Variants in XRCC6 observed in about 807,000 individuals in gnomAD.
XRCC6 encodes the protein DNA repair protein Ku70.
Under a neutral mutation model 65.7 loss-of-function variants are expected in XRCC6, and 5 were observed. That is an observed-to-expected ratio of 0.08 (90% CI 0.04 to 0.16). XRCC6 has a LOEUF of 0.16. Among genes scored for constraint, XRCC6 ranks in the 10% least tolerant of loss-of-function variants. The pLI, the probability that XRCC6 is intolerant of heterozygous loss-of-function variation, is 1.00. For missense variants in XRCC6, 447 were observed against 738.1 expected (o/e 0.61, Z 4.57); for synonymous variants, 270 against 270.6 (o/e 1.00, Z 0.02).
rs1486548994 is a variant in XRCC6 at position 41,624,653 on chromosome 22, A to G, written c.82+2567A>G. On this transcript the variant is annotated intron_variant, in intron 2 of 12. Transcript: ENST00000360079. ...CAGTGAGCTGAGATTGCATCACTGCACTCCAGCCTGGGCGACAGAGTGAGA... is the reference window on the plus strand; with the variant it reads ...CAGTGAGCTGAGATTGCATCACTGCGCTCCAGCCTGGGCGACAGAGTGAGA... Among the ~76,000 whole-genome samples, 3 of 137,108 alleles carry G rather than the reference A, an allele frequency of 2.2e-5. No homozygotes were observed. In the South Asian group the frequency reaches 7.2e-4, roughly 33 times the overall value. The allele number at this position is 137,108 out of a possible 152,430, so 89.9% of individuals were successfully genotyped here.
chr22:41,628,075 C>T (rs781046960), intron 2 of XRCC6, 43 bp from the exon 3 acceptor site: 46 of 1,393,368 alleles, frequency 3.3e-5, no homozygotes, highest in Middle Eastern at 4.6e-4. Context: ...TAAACAAATA[C>T]GAAAACAAGG....
chr22:41,663,158 T>A (rs913950630), intron 12 of XRCC6, among the ~76,000 whole-genome samples: 1 of 152,160 alleles, frequency 6.6e-6, no homozygotes, highest in Non-Finnish European at 1.5e-5. Flanking sequence ...GTCCAGTGGC[T>A]CAATCACAGT....
intron 5 of XRCC6, among the ~76,000 whole-genome samples, 194 bp from the exon 6 acceptor site, chr22:41,637,414 T>C (rs2067821278): frequency 6.6e-6 from 1 of 152,144 alleles, no homozygotes; most frequent in Admixed American, 6.6e-5. Context: ...TTACCACGAA[T>C]GGTGATTATT....
At chr22:41,622,129 A>C (rs1436870744) in intron 2 of XRCC6, 43 bp downstream of exon 2, 1 of 1,600,588 alleles carries the variant, frequency 6.2e-7, no homozygotes, top group Non-Finnish European at 8.6e-7. Flanking sequence ...GTGTGGAAGA[A>C]AGACCTTCCC....
intron 8 of XRCC6, among the ~76,000 whole-genome samples, chr22:41,651,387 TTTTTTTTTTTTTTTTTTTTTG>T (rs2067994307): frequency 2.0e-5 from 2 of 99,648 alleles, no homozygotes; most frequent in African/African-American, 1.3e-4. Flanking sequence ...TTTTTTTTTT[TTTTTTTTTTTTTTTTTTTTTG>T]GAGATGGAGT....
chr22:41,644,253 G>A (rs895634254), intron 6 of XRCC6, among the ~76,000 whole-genome samples: 5 of 151,886 alleles, frequency 3.3e-5, no homozygotes, highest in South Asian at 2.1e-4. Context: ...TCTTTCTGTT[G>A]TGGACCTCTA....
intron 12 of XRCC6, among the ~76,000 whole-genome samples, chr22:41,663,328 T>TA (rs1266490131): frequency 6.6e-6 from 1 of 152,084 alleles, no homozygotes; most frequent in African/African-American, 2.4e-5. Flanking sequence ...CATGAACCTG[T>TA]AAAAGATTTT....
In XRCC6 at chr22:41,622,091, G is replaced by A; in HGVS notation, c.82+5G>A. 6.2e-7 allele frequency: 1 copy of A among 1,614,182 alleles called. No individual in the cohort carries two copies. The highest frequency in any genetic ancestry group is 8.5e-7 in the Non-Finnish European group (1 of 1,179,994). ...AAGAGAACCTTGAAGCAAGTGGTAAGTGACTTCAGCATGTAGTGCCATTCG... is the reference window on the plus strand; with the variant it reads ...AAGAGAACCTTGAAGCAAGTGGTAAATGACTTCAGCATGTAGTGCCATTCG... On this transcript the variant is annotated splice_donor_5th_base_variant and intron_variant, in intron 2 of 12. Transcript: ENST00000360079.
chr22:41,635,668 T>C (rs1419387857), intron 3 of XRCC6, among the ~76,000 whole-genome samples: 2 of 151,894 alleles, frequency 1.3e-5, no homozygotes, highest in Non-Finnish European at 2.9e-5. Flanking sequence ...GCTTCCCAAG[T>C]AACTGGGACC....
chr22:41,629,001 A>G (rs1476532247), intron 3 of XRCC6, among the ~76,000 whole-genome samples: 1 of 151,722 alleles, frequency 6.6e-6, no homozygotes, highest in African/African-American at 2.4e-5. Context: ...AATTCTCCAA[A>G]GATATGCAGA....
At chr22:41,622,770 C>T (rs1344858579) in intron 2 of XRCC6, among the ~76,000 whole-genome samples, 1 of 151,858 alleles carries the variant, frequency 6.6e-6, no homozygotes, top group Non-Finnish European at 1.5e-5. Context: ...GAAACCCCGT[C>T]TGTACTAAAA....
chr22:41,660,683 T>G (rs563856457), intron 11 of XRCC6, among the ~76,000 whole-genome samples: 31 of 152,286 alleles, frequency 2.0e-4, no homozygotes, highest in African/African-American at 7.0e-4. Context: ...CTTCTGCTTC[T>G]TATCTTTCAC....
chr22:41,663,656 G>A lies in XRCC6; in HGVS notation c.1671G>A (p.Val557=), dbSNP rs763526385. The A allele has an allele frequency of 6.2e-6, 10 of 1,613,792 alleles. No homozygotes were observed. In the Admixed American group the frequency reaches 1.3e-4, roughly 22 times the overall value. The stretch of plus-strand genomic sequence containing the variant: ...GTTCTGGAAGCAAAAGGCCCAAGGT[G>A]GAGTATTCAGAAGAGGAGCTGAAGA... The part of the protein sequence containing the change: ...NEGSGSKRPK[V]EYSEEELKTH... The change falls in exon 13 of 13, where the codon GTG becomes GTA. Residue 557 remains valine (V), a synonymous_variant. Coordinates refer to ENST00000360079, the MANE Select transcript of XRCC6 (RefSeq NM_001469.5).
intron 3 of XRCC6, among the ~76,000 whole-genome samples, chr22:41,633,531 C>G (rs2067779003): frequency 6.6e-6 from 1 of 152,096 alleles, no homozygotes; most frequent in Admixed American, 6.6e-5. Flanking sequence ...CACCCACCAC[C>G]ACACCCGGCT....
At chr22:41,644,221 A>T (rs1036323265) in intron 6 of XRCC6, among the ~76,000 whole-genome samples, 1 of 152,098 alleles carries the variant, frequency 6.6e-6, no homozygotes, top group African/African-American at 2.4e-5. Context: ...TAATTTTCAA[A>T]AATTTCAGGT....
At chr22:41,626,204 G>A (rs193044938) in intron 2 of XRCC6, among the ~76,000 whole-genome samples, 4 of 151,152 alleles carry the variant, frequency 2.6e-5, no homozygotes, top group East Asian at 3.9e-4. Context: ...GTGCAGTGGC[G>A]CGATCTTGGC....
chr22:41,650,265 G>T (rs531008785), intron 7 of XRCC6, among the ~76,000 whole-genome samples: 2 of 151,624 alleles, frequency 1.3e-5, no homozygotes, highest in African/African-American at 4.8e-5. Flanking sequence ...CCACTATACC[G>T]AGCTAATTTT....
chr22:41,656,474 C>T (rs982183326), intron 9 of XRCC6, among the ~76,000 whole-genome samples: 1 of 151,520 alleles, frequency 6.6e-6, no homozygotes, highest in Non-Finnish European at 1.5e-5. Context: ...CCGAGATTGC[C>T]CACTGTACTC....
chr22:41,661,546 C>A, intron 12 of XRCC6, 102 bp downstream of exon 12: 1 of 1,015,060 alleles, frequency 9.9e-7, no homozygotes, highest in Non-Finnish European at 1.4e-6. Context: ...TATTCACAGT[C>A]TAGTTAAAAT....
Sources: allele counts gnomAD v4.1 joint callset (sites outside exome capture counted in the v4.1 genomes callset), GRCh38; gene constraint gnomAD v4.1.1; transcripts MANE v1.5; gene names NCBI Gene and HGNC (gene_info 2026-07-23, HGNC 2026-07-21).